CACNA2D3: variants seen among roughly 807,000 people sequenced by gnomAD.
CACNA2D3 encodes the protein voltage-dependent calcium channel subunit alpha-2/delta-3.
A neutral mutation model predicts 160.6 loss-of-function variants in CACNA2D3; 60 were observed. That is an observed-to-expected ratio of 0.37 (90% CI 0.30 to 0.46). The LOEUF is 0.46. Among genes scored for constraint, CACNA2D3 ranks in the 20% least tolerant of loss-of-function variants. The probability of loss-of-function intolerance (pLI) is 1.00; values close to 1 mark genes in which losing one functional copy is unlikely to be tolerated. For synonymous variants in CACNA2D3, 558 were observed against 492.9 expected, an observed-to-expected ratio of 1.13 and a Z score of -1.75; for missense variants, 1,205 against 1,365.0, an observed-to-expected ratio of 0.88 and a Z score of 1.85.
chr3:54,737,085 A>T (rs945113708), intron 11 of CACNA2D3, among the ~76,000 whole-genome samples: 2 of 152,086 alleles, frequency 1.3e-5, no homozygotes, highest in Admixed American at 6.5e-5. Flanking sequence ...CAATAACCTT[A>T]TTCATTTTTG....
At chr3:54,191,047 CAAA>C (rs35592309) in intron 2 of CACNA2D3, among the ~76,000 whole-genome samples, 27 of 103,550 alleles carry the variant, frequency 2.6e-4, no homozygotes, top group Non-Finnish European at 3.0e-4. Context: ...TAGGTGGAAG[CAAA>C]AAAAAAAAAA....
intron 4 of CACNA2D3, among the ~76,000 whole-genome samples, chr3:54,442,949 A>G (rs559221013): frequency 4.1e-4 from 63 of 152,264 alleles, no homozygotes; most frequent in African/African-American, 1.4e-3. Context: ...ATTCCACCAT[A>G]TAGTAGCCTC....
intron 9 of CACNA2D3, among the ~76,000 whole-genome samples, chr3:54,608,265 G>A (rs1176784272): frequency 3.3e-5 from 5 of 152,218 alleles, no homozygotes; most frequent in Admixed American, 1.3e-4. Context: ...ATCATTGGGG[G>A]AAGCTGGGTG....
At chr3:54,388,493 A>G (rs545551118) in intron 4 of CACNA2D3, among the ~76,000 whole-genome samples, 17 of 152,216 alleles carry the variant, frequency 1.1e-4, no homozygotes, top group Non-Finnish European at 2.5e-4. Flanking sequence ...TTTGAAACAA[A>G]TAGAGCCAGA....
At chr3:54,852,494 C>T (rs149711383) in intron 17 of CACNA2D3, among the ~76,000 whole-genome samples, 181 of 152,310 alleles carry the variant, frequency 1.2e-3, no homozygotes, top group Middle Eastern at 0.01. Context: ...CTCGCACCTC[C>T]GCTGGAATTT....
At chr3:54,732,737 A>G (rs1701415120) in intron 11 of CACNA2D3, among the ~76,000 whole-genome samples, 1 of 152,148 alleles carries the variant, frequency 6.6e-6, no homozygotes, top group South Asian at 2.1e-4. Context: ...GAGCACTTCT[A>G]TTTGAGACAC....
At chr3:54,406,523 G>A (rs996163742) in intron 4 of CACNA2D3, among the ~76,000 whole-genome samples, 8 of 152,012 alleles carry the variant, frequency 5.3e-5, no homozygotes, top group African/African-American at 1.9e-4. Flanking sequence ...GGACAAATGG[G>A]GAGGACATTA....
chr3:54,523,480 T>A (rs1388481158), intron 5 of CACNA2D3, among the ~76,000 whole-genome samples: 2 of 152,174 alleles, frequency 1.3e-5, no homozygotes, highest in Non-Finnish European at 1.5e-5. Context: ...TTATAAAAGA[T>A]AGCTCTATAG....
intron 35 of CACNA2D3, among the ~76,000 whole-genome samples, chr3:55,028,060 CT>C (rs1476044709): frequency 6.6e-6 from 1 of 152,174 alleles, no homozygotes; most frequent in Non-Finnish European, 1.5e-5. Flanking sequence ...TCTTTTCAGT[CT>C]TCAGAAGTCT....
At chr3:54,188,944 T>C (rs1036099715) in intron 2 of CACNA2D3, among the ~76,000 whole-genome samples, 3 of 152,194 alleles carry the variant, frequency 2.0e-5, no homozygotes, top group African/African-American at 7.2e-5. Context: ...ATTTGGCCTT[T>C]GACTGACTTT....
chr3:54,824,883 T>C lies in CACNA2D3; in HGVS notation c.1398+8013T>C, dbSNP rs986347755. Among the ~76,000 whole-genome samples, 3 of 152,226 alleles carry C rather than the reference T, an allele frequency of 2.0e-5. No homozygotes were observed. The East Asian group carries it at 5.8e-4, about 29-fold the overall frequency. On this transcript the variant is annotated intron_variant, in intron 14 of 37. Transcript: ENST00000474759. Reference sequence around the variant, plus strand: ...TTTAATAAAGTTAAAGCAGAAATGGTTTCTTTTAAAAATAGGCAAAAAGAA... The same window carrying C: ...TTTAATAAAGTTAAAGCAGAAATGGCTTCTTTTAAAAATAGGCAAAAAGAA...
At chr3:55,050,439 T>C (rs2107204211) in intron 35 of CACNA2D3, among the ~76,000 whole-genome samples, 1 of 151,636 alleles carries the variant, frequency 6.6e-6, no homozygotes, top group African/African-American at 2.4e-5. Flanking sequence ...GCCCCCACTC[T>C]CTTCTGGCTT....
intron 5 of CACNA2D3, among the ~76,000 whole-genome samples, chr3:54,542,205 G>A (rs538056864): frequency 7.9e-5 from 12 of 151,950 alleles, no homozygotes; most frequent in African/African-American, 2.2e-4. Context: ...GGGATTACAG[G>A]CACGTACCAC....
At chr3:54,520,587 A>AT (rs1559503349) in intron 5 of CACNA2D3, among the ~76,000 whole-genome samples, 1 of 152,086 alleles carries the variant, frequency 6.6e-6, no homozygotes, top group Non-Finnish European at 1.5e-5. Flanking sequence ...AGCTGCTGTA[A>AT]TTTTTCCTAA....
intron 14 of CACNA2D3, among the ~76,000 whole-genome samples, chr3:54,825,258 TCTTC>T (rs1374316376): frequency 6.6e-6 from 1 of 152,252 alleles, no homozygotes; most frequent in East Asian, 1.9e-4. Flanking sequence ...AAAACACCCT[TCTTC>T]CTTCTACACA....
chr3:54,172,330 C>T (rs537578471), intron 2 of CACNA2D3, among the ~76,000 whole-genome samples: 16 of 152,262 alleles, frequency 1.1e-4, no homozygotes, highest in Non-Finnish European at 1.9e-4. Flanking sequence ...GCCCTGGTTG[C>T]TACACACAGC....
At chr3:54,955,039 T>C (rs1701848225) in intron 27 of CACNA2D3, among the ~76,000 whole-genome samples, 1 of 152,172 alleles carries the variant, frequency 6.6e-6, no homozygotes, top group South Asian at 2.1e-4. Flanking sequence ...CTCTGAAGGT[T>C]TGCTGAAAAT....
chr3:54,547,693 T>A (rs1432939238), intron 5 of CACNA2D3, among the ~76,000 whole-genome samples: 4 of 147,196 alleles, frequency 2.7e-5, no homozygotes, highest in African/African-American at 7.6e-5. Flanking sequence ...TTTTTTTTTT[T>A]TTTTTAAGAG....
intron 11 of CACNA2D3, among the ~76,000 whole-genome samples, chr3:54,719,804 A>G (rs1701135958): frequency 6.6e-6 from 1 of 152,044 alleles, no homozygotes; most frequent in Non-Finnish European, 1.5e-5. Context: ...TTTTCGTTAT[A>G]GATTCAATCA....
Sources: allele counts gnomAD v4.1 joint callset (sites outside exome capture counted in the v4.1 genomes callset), GRCh38; gene constraint gnomAD v4.1.1; transcripts MANE v1.5; gene names NCBI Gene and HGNC (gene_info 2026-07-23, HGNC 2026-07-21).